The following MCEMP1 variants were observed in gnomAD, a reference collection of about 807,000 sequenced individuals.
MCEMP1 encodes the protein mast cell-expressed membrane protein 1.
In MCEMP1, 17 loss-of-function variants were observed where a neutral mutation model predicts 27.9. The observed-to-expected ratio is 0.61, with a 90% CI of 0.42 to 0.91. MCEMP1 has a LOEUF of 0.91. Ranked by LOEUF, MCEMP1 falls within the 40% of genes least tolerant of loss-of-function variation. The pLI, the probability that MCEMP1 is intolerant of heterozygous loss-of-function variation, is 0.00. For missense variants in MCEMP1, 200 were observed against 204.8 expected (o/e 0.98, Z 0.14); for synonymous variants, 88 against 76.9 (o/e 1.14, Z -0.76).
Position 7,678,815 on chromosome 19 carries a change from A to G in MCEMP1, c.449-109A>G. On this transcript the variant is annotated intron_variant, in intron 5 of 6. Transcript: ENST00000333598. The surrounding 1 kb of genome is among the most constrained non-coding windows in gnomAD (Gnocchi z 4.8). ...AAATCCATGGGCTCTGCTGTACCCC[A>G]GGGTGGGTGTGGGGCAGGGGGGGTG... 5 of 1,219,728 alleles carry G rather than the reference A, an allele frequency of 4.1e-6. No homozygotes were observed. The highest frequency in any genetic ancestry group is 2.8e-4 in the Middle Eastern group (1 of 3,584). 75.6% of individuals were successfully genotyped at this position (1,219,728 alleles called of 1,614,324 possible). A position where few individuals can be genotyped will look rare whatever the true frequency, so the allele number is the denominator to read the frequency against.
At position 7,679,441 on chromosome 19, in the gene MCEMP1, T is replaced by A. The variant is rs2032598170; in HGVS notation, c.*327T>A. 2.8e-6 allele frequency: 1 copy of A among 363,406 alleles called. No individual in the cohort carries two copies. The highest frequency in any genetic ancestry group is 2.1e-5 in the African/African-American group (1 of 47,522). 22.5% of individuals were successfully genotyped at this position (363,406 alleles called of 1,614,324 possible). A position where few individuals can be genotyped will look rare whatever the true frequency, so the allele number is the denominator to read the frequency against. On this transcript the variant is annotated 3_prime_UTR_variant, in exon 7 of 7. Transcript: ENST00000333598. This position sits in a 1 kb window ranked among gnomAD's most constrained non-coding sequence, Gnocchi z 4.9. ...ATAGGACTGAGAGTCACAGTGAATG[T>A]GGCATGCATGCCTGTGTCATGTGAC...
Position 7,677,987 on chromosome 19 carries a change from A to G in MCEMP1, c.146-117A>G. 2 of 1,431,174 alleles carry G rather than the reference A, an allele frequency of 1.4e-6. No homozygotes were observed. The highest frequency in any genetic ancestry group is 1.9e-6 in the Non-Finnish European group (2 of 1,063,996). The allele number at this position is 1,431,174 out of a possible 1,614,324, so 88.7% of individuals were successfully genotyped here. On this transcript the variant is annotated intron_variant, in intron 2 of 6. Coordinates refer to ENST00000333598, the MANE Select transcript of MCEMP1 (RefSeq NM_174918.3). This position sits in a 1 kb window ranked among gnomAD's most constrained non-coding sequence, Gnocchi z 4.6. ...GTTGACGATGATGACAAGCTGCATG[A>G]CCACAGCTGCTGATGGTTTTGAGAG...
chr19:7,677,802 G>A lies in MCEMP1; in HGVS notation c.145+76G>A. On this transcript the variant is annotated intron_variant, in intron 2 of 6. Transcript: ENST00000333598. The surrounding 1 kb of genome is among the most constrained non-coding windows in gnomAD (Gnocchi z 4.6). ...TGGGCGGGCAACTGCAGGGCCCCCG[G>A]GGCTGCGTGGAAGGGAGGAAGCGAT... 7.2e-7 allele frequency: 1 copy of A among 1,381,578 alleles called. No homozygotes were observed. Among genetic ancestry groups the A allele is most frequent in the Non-Finnish European group, 9.9e-7 (1 of 1,013,918 alleles). 85.6% of individuals were successfully genotyped at this position (1,381,578 alleles called of 1,614,324 possible).
At position 7,678,565 on chromosome 19, in the gene MCEMP1, G is replaced by C. The variant is rs147070011; in HGVS notation, c.409G>C (p.Val137Leu). The C allele has an allele frequency of 1.9e-5, 30 of 1,614,028 alleles. No individual in the cohort carries two copies. Among genetic ancestry groups the C allele is most frequent in the Non-Finnish European group, 2.5e-5 (29 of 1,180,034 alleles). The change falls in exon 5 of 7, where the codon GTC (valine) becomes CTC (leucine). Residue 137 changes from valine to leucine, a missense_variant. Physicochemically the swap from Val to Leu is conservative, Grantham distance 32. Transcript: ENST00000333598. The surrounding 1 kb of genome is among the most constrained non-coding windows in gnomAD (Gnocchi z 4.8). ...TTCCGTTCAGCAGAGCATCACCATGGTCAGGAGCAAGATTGATAGATTAGA... is the reference window on the plus strand; with the variant it reads ...TTCCGTTCAGCAGAGCATCACCATGCTCAGGAGCAAGATTGATAGATTAGA... ...WDSVQQSITM[V>L]RSKIDRLETT...
rs761915786 is a variant in MCEMP1 at position 7,679,004 on chromosome 19, G to C, written c.508+21G>C. 8.8e-6 allele frequency: 14 copies of C among 1,599,038 alleles called. No individual in the cohort carries two copies. The highest frequency in any genetic ancestry group is 1.2e-5 in the Non-Finnish European group (14 of 1,171,844). ...GCCACGTAAGTTGGCGCCCCGACAGGAGGTGGAGGAGGGTGGGTGGGGCTT... is the reference window on the plus strand; with the variant it reads ...GCCACGTAAGTTGGCGCCCCGACAGCAGGTGGAGGAGGGTGGGTGGGGCTT... On this transcript the variant is annotated intron_variant, in intron 6 of 6. Coordinates refer to ENST00000333598, the MANE Select transcript of MCEMP1 (RefSeq NM_174918.3). This position sits in a 1 kb window ranked among gnomAD's most constrained non-coding sequence, Gnocchi z 4.9.
Position 7,677,986 on chromosome 19 carries a change from G to T in MCEMP1, c.146-118G>T. 7.0e-7 allele frequency: 1 copy of T among 1,426,876 alleles called. No homozygotes were observed. Among genetic ancestry groups the T allele is most frequent in the South Asian group, 1.4e-5 (1 of 73,022 alleles). 88.4% of individuals were successfully genotyped at this position (1,426,876 alleles called of 1,614,324 possible). A position where few individuals can be genotyped will look rare whatever the true frequency, so the allele number is the denominator to read the frequency against. On this transcript the variant is annotated intron_variant, in intron 2 of 6. Transcript: ENST00000333598. This position sits in a 1 kb window ranked among gnomAD's most constrained non-coding sequence, Gnocchi z 4.6. ...TGTTGACGATGATGACAAGCTGCAT[G>T]ACCACAGCTGCTGATGGTTTTGAGA... is the stretch of plus-strand genomic sequence containing the variant.
rs147625914 is a variant in MCEMP1, at chr19:7,678,544, G to A, written c.388G>A (p.Val130Ile). 1.0e-4 allele frequency: 162 copies of A among 1,614,142 alleles called. No homozygotes were observed. In the East Asian group the frequency reaches 1.4e-3, roughly 14 times the overall value. Reference protein sequence around the residue: ...EERQKRGWDSVQQSITMVRSK... With the variant: ...EERQKRGWDSIQQSITMVRSK... ...GAGACAGAAGAGAGGCTGGGATTCC[G>A]TTCAGCAGAGCATCACCATGGTCAG... Residue 130 changes from valine (V) to isoleucine (I), a missense_variant, in exon 5 of 7, where the codon GTT becomes ATT. Coordinates refer to ENST00000333598, the MANE Select transcript of MCEMP1 (RefSeq NM_174918.3). This position sits in a 1 kb window ranked among gnomAD's most constrained non-coding sequence, Gnocchi z 4.8.
chr19:7,677,741 AC>A lies in MCEMP1; in HGVS notation c.145+17del. 1 of 1,583,868 alleles carries A rather than the reference AC, an allele frequency of 6.3e-7. No individual in the cohort carries two copies. The highest frequency in any genetic ancestry group is 8.6e-7 in the Non-Finnish European group (1 of 1,161,824). On this transcript the variant is annotated intron_variant, in intron 2 of 6. Coordinates refer to ENST00000333598, the MANE Select transcript of MCEMP1 (RefSeq NM_174918.3). This position sits in a 1 kb window ranked among gnomAD's most constrained non-coding sequence, Gnocchi z 4.6. The stretch of plus-strand genomic sequence containing the variant: ...CACGAGCCAAGGTGAGCAGACACCC[AC>A]CTGCTCACATCCCATCACCTTGGGA...
At position 7,678,123 on chromosome 19, in the gene MCEMP1, G is replaced by A. The variant is rs200494642; in HGVS notation, c.165G>A (p.Pro55=). 112 of 1,609,090 alleles carry A rather than the reference G, an allele frequency of 7.0e-5. No individual in the cohort carries two copies. The highest frequency in any genetic ancestry group is 2.3e-4 in the African/African-American group (17 of 74,756). The change falls in exon 3 of 7, where the codon CCG becomes CCA. Residue 55 remains proline, a synonymous_variant. Transcript: ENST00000333598. This position sits in a 1 kb window ranked among gnomAD's most constrained non-coding sequence, Gnocchi z 4.8. ...CTCCAGTCCCAGCCCAGTGCAGGCC[G>A]CCCTCAGACTCCACCCAGGTCCCCT... The part of the protein sequence containing the change: ...PTSQVPAQCR[P]PSDSTQVPCW...
At position 7,679,065 on chromosome 19, in the gene MCEMP1, T is replaced by A. The variant is rs1220662408; in HGVS notation, c.509-33T>A. The A allele has an allele frequency of 6.2e-7, 1 of 1,607,962 alleles. No individual in the cohort carries two copies. Among genetic ancestry groups the A allele is most frequent in the East Asian group, 2.2e-5 (1 of 44,844 alleles). On this transcript the variant is annotated intron_variant, in intron 6 of 6. Coordinates refer to ENST00000333598, the MANE Select transcript of MCEMP1 (RefSeq NM_174918.3). This position sits in a 1 kb window ranked among gnomAD's most constrained non-coding sequence, Gnocchi z 4.9. ...CCCAGCTCCTCTCCCAGGGGCGGGATCTGCCTCACTGTGGGTCTCTCCCCA... is the reference window on the plus strand; with the variant it reads ...CCCAGCTCCTCTCCCAGGGGCGGGAACTGCCTCACTGTGGGTCTCTCCCCA...
Position 7,677,142 on chromosome 19 carries a change from G to C in MCEMP1, c.22G>C (p.Asp8His). The C allele has an allele frequency of 6.3e-7, 1 of 1,598,374 alleles. No individual in the cohort carries two copies. Among genetic ancestry groups the C allele is most frequent in the Non-Finnish European group, 8.5e-7 (1 of 1,172,040 alleles). Residue 8 changes from aspartate to histidine, a missense_variant, in exon 1 of 7, where the codon GAC becomes CAC. Physicochemically the swap from Asp to His is moderately conservative, Grantham distance 81. Coordinates refer to ENST00000333598, the MANE Select transcript of MCEMP1 (RefSeq NM_174918.3). This position sits in a 1 kb window ranked among gnomAD's most constrained non-coding sequence, Gnocchi z 4.6. The stretch of plus-strand genomic sequence containing the variant: ...CAAGATGCAAGCACCAGCCTTCAGG[G>C]ACAAGAAACAGGGGGTCTCAGCCAA... The part of the protein sequence containing the change: MQAPAFR[D>H]KKQGVSAKNQ...
rs147737557 is a variant in MCEMP1, at chr19:7,679,418, A to C, written c.*304A>C. The C allele has an allele frequency of 1.1e-4, 46 of 417,240 alleles. 1 individual carries two copies. The East Asian group carries it at 1.8e-3, about 16-fold the overall frequency. The allele number at this position is 417,240 out of a possible 1,614,324, so 25.8% of individuals were successfully genotyped here. A position where few individuals can be genotyped will look rare whatever the true frequency, so the allele number is the denominator to read the frequency against. ...TCTCCCAGAAAGGTGATGAATGAAT[A>C]GGACTGAGAGTCACAGTGAATGTGG... On this transcript the variant is annotated 3_prime_UTR_variant, in exon 7 of 7. Coordinates refer to ENST00000333598, the MANE Select transcript of MCEMP1 (RefSeq NM_174918.3). This position sits in a 1 kb window ranked among gnomAD's most constrained non-coding sequence, Gnocchi z 4.9.
In MCEMP1 at chr19:7,678,340, T is replaced by G; in HGVS notation, c.284-10T>G. 1.2e-6 allele frequency: 2 copies of G among 1,614,040 alleles called. No homozygotes were observed. The highest frequency in any genetic ancestry group is 1.7e-6 in the Non-Finnish European group (2 of 1,180,014). ...GGTGCTTCAAGGATTTTCCTGCCCC[T>G]CCTGAACAGATGCTGAGATGTCCAA... On this transcript the variant is annotated splice_polypyrimidine_tract_variant and intron_variant, in intron 3 of 6. Coordinates refer to ENST00000333598, the MANE Select transcript of MCEMP1 (RefSeq NM_174918.3). The surrounding 1 kb of genome is among the most constrained non-coding windows in gnomAD (Gnocchi z 4.8).
rs115475837 is a variant in MCEMP1 at position 7,677,873 on chromosome 19, T to C, written c.145+147T>C. 4.1e-4 allele frequency: 421 copies of C among 1,018,826 alleles called. 3 individuals are homozygous for C. The African/African-American group carries it at 6.1e-3, about 15-fold the overall frequency. 63.1% of individuals were successfully genotyped at this position (1,018,826 alleles called of 1,614,324 possible). ...CTGTTGACGTGCTAATGAGGTCTGT[T>C]GATGATGACAATGTTGGGGAATGCT... On this transcript the variant is annotated intron_variant, in intron 2 of 6. Transcript: ENST00000333598. The surrounding 1 kb of genome is among the most constrained non-coding windows in gnomAD (Gnocchi z 4.6).
In MCEMP1 at chr19:7,677,944, G is replaced by T. The variant is rs2032571380; in HGVS notation, c.146-160G>T. The stretch of plus-strand genomic sequence containing the variant: ...TGACGGTGTTAGATCGCTGAGGGTG[G>T]CTGGTGGTGGCAGTGTTGTTGACGA... On this transcript the variant is annotated intron_variant, in intron 2 of 6. Transcript: ENST00000333598. The surrounding 1 kb of genome is among the most constrained non-coding windows in gnomAD (Gnocchi z 4.6). The T allele has an allele frequency of 8.4e-7, 1 of 1,188,366 alleles. No homozygotes were observed. Among genetic ancestry groups the T allele is most frequent in the African/African-American group, 1.5e-5 (1 of 65,334 alleles). 73.6% of individuals were successfully genotyped at this position (1,188,366 alleles called of 1,614,324 possible). A position where few individuals can be genotyped will look rare whatever the true frequency, so the allele number is the denominator to read the frequency against.
chr19:7,679,257 GA>G lies in MCEMP1; in HGVS notation c.*145del. 1 of 1,036,702 alleles carries G rather than the reference GA, an allele frequency of 9.6e-7. No individual in the cohort carries two copies. The highest frequency in any genetic ancestry group is 1.4e-6 in the Non-Finnish European group (1 of 721,662). The allele number at this position is 1,036,702 out of a possible 1,614,324, so 64.2% of individuals were successfully genotyped here. On this transcript the variant is annotated 3_prime_UTR_variant, in exon 7 of 7. Coordinates refer to ENST00000333598, the MANE Select transcript of MCEMP1 (RefSeq NM_174918.3). This position sits in a 1 kb window ranked among gnomAD's most constrained non-coding sequence, Gnocchi z 4.9. ...GTATAGAAAAACCTCGAGTCATGGTGAATGAGTGTCTCGGAGTTGCTCGTGT... is the reference window on the plus strand; with the variant it reads ...GTATAGAAAAACCTCGAGTCATGGTGATGAGTGTCTCGGAGTTGCTCGTGT...
Position 7,677,591 on chromosome 19 carries a change from A to G in MCEMP1, c.56-46A>G. ...TTGGGTAAAACAAGATCCCGGATCC[A>G]CTCTCCACACCACAGAGCTCTGAGC... On this transcript the variant is annotated intron_variant, in intron 1 of 6. Coordinates refer to ENST00000333598, the MANE Select transcript of MCEMP1 (RefSeq NM_174918.3). The surrounding 1 kb of genome is among the most constrained non-coding windows in gnomAD (Gnocchi z 4.6). 1 of 1,532,358 alleles carries G rather than the reference A, an allele frequency of 6.5e-7. No individual in the cohort carries two copies. Among genetic ancestry groups the G allele is most frequent in the Non-Finnish European group, 9.0e-7 (1 of 1,105,846 alleles). The allele number at this position is 1,532,358 out of a possible 1,614,324, so 94.9% of individuals were successfully genotyped here. A position where few individuals can be genotyped will look rare whatever the true frequency, so the allele number is the denominator to read the frequency against.
Position 7,678,432 on chromosome 19 carries a change from G to A in MCEMP1, c.334+32G>A, listed in dbSNP as rs2032577737. On this transcript the variant is annotated intron_variant, in intron 4 of 6. Transcript: ENST00000333598. This position sits in a 1 kb window ranked among gnomAD's most constrained non-coding sequence, Gnocchi z 4.8. ...GGAGGGTCTGAGGGAGACCCGTGGG[G>A]TCATGGTGGGGGTCTGGAGAGGGAT... is the stretch of plus-strand genomic sequence containing the variant. The A allele has an allele frequency of 6.2e-7, 1 of 1,614,030 alleles. No individual in the cohort carries two copies. Among genetic ancestry groups the A allele is most frequent in the Middle Eastern group, 1.6e-4 (1 of 6,062 alleles).
Position 7,679,169 on chromosome 19 carries a change from G to A in MCEMP1, c.*55G>A. 1 of 1,492,530 alleles carries A rather than the reference G, an allele frequency of 6.7e-7. No individual in the cohort carries two copies. The highest frequency in any genetic ancestry group is 9.0e-7 in the Non-Finnish European group (1 of 1,114,284). The allele number at this position is 1,492,530 out of a possible 1,614,324, so 92.5% of individuals were successfully genotyped here. On this transcript the variant is annotated 3_prime_UTR_variant, in exon 7 of 7. Coordinates refer to ENST00000333598, the MANE Select transcript of MCEMP1 (RefSeq NM_174918.3). This position sits in a 1 kb window ranked among gnomAD's most constrained non-coding sequence, Gnocchi z 4.9. ...CAACTTGGAAGATGGGGCTGCACCTGCCAACGAAGACGGGAAATGACCCCC... is the reference window on the plus strand; with the variant it reads ...CAACTTGGAAGATGGGGCTGCACCTACCAACGAAGACGGGAAATGACCCCC...
Sources: gnomAD v4.1 joint callset for allele counts on GRCh38, gnomAD v4.1.1 for gene constraint, Gnocchi (gnomAD v3.1) non-coding constraint, MANE v1.5 for transcripts, NCBI Gene and HGNC (gene_info 2026-07-23, HGNC 2026-07-21) for gene names.